RNGTT: variants seen among roughly 807,000 people sequenced by gnomAD.
The protein encoded by RNGTT is mRNA-capping enzyme.
In RNGTT, 33 loss-of-function variants were observed where a neutral mutation model predicts 79.3. The ratio of observed to expected loss-of-function variants is 0.42; its 90% confidence interval spans 0.32 to 0.56. The LOEUF is 0.56. RNGTT is among the 20% of genes least tolerant of loss of function. The pLI, the probability that RNGTT is intolerant of heterozygous loss-of-function variation, is 0.17. For missense variants in RNGTT, 497 were observed against 739.1 expected, an observed-to-expected ratio of 0.67 and a Z score of 3.80; for synonymous variants, 222 against 235.9, an observed-to-expected ratio of 0.94 and a Z score of 0.54.
chr6:88,725,147 T>C (rs1231939741), intron 13 of RNGTT, among the ~76,000 whole-genome samples: 2 of 152,200 alleles, frequency 1.3e-5, no homozygotes, highest in Non-Finnish European at 2.9e-5. Flanking sequence ...GGGGATTACA[T>C]TCCCTTCCCG....
In RNGTT at chr6:88,835,975, AACACACACACAC is replaced by A. The variant is rs72228554; in HGVS notation, c.1269+8370_1269+8381del. On this transcript the variant is annotated intron_variant, in intron 11 of 15. Transcript: ENST00000369485. ...ACAGCAAGACTCTGTCTCTATTAAA[AACACACACACAC>A]ACACACACACACACACACACACACA... 2.9e-3 allele frequency among the ~76,000 whole-genome samples: 328 copies of A among 113,764 alleles called. 7 individuals carry two copies. The South Asian group carries it at 0.036, about 12-fold the overall frequency. 74.6% of individuals were successfully genotyped at this position (113,764 alleles called of 152,430 possible).
chr6:88,728,727 G>A (rs970726060), intron 13 of RNGTT, among the ~76,000 whole-genome samples: 8 of 152,164 alleles, frequency 5.3e-5, no homozygotes, highest in East Asian at 1.9e-4. Context: ...TTAATCCCCC[G>A]CTGCCTGTAC....
chr6:88,876,283 C>T (rs1336132185), intron 8 of RNGTT, among the ~76,000 whole-genome samples: 15 of 152,204 alleles, frequency 9.9e-5, no homozygotes, highest in Admixed American at 9.2e-4. Flanking sequence ...AATCCCAACA[C>T]TTTGGGAGGC....
At chr6:88,781,671 A>G (rs1404656353) in intron 12 of RNGTT, among the ~76,000 whole-genome samples, 4 of 152,152 alleles carry the variant, frequency 2.6e-5, no homozygotes, top group African/African-American at 9.7e-5. Context: ...CCCAAATAAA[A>G]GTATGCCAGG....
chr6:88,635,544 G>A (rs1247982710), intron 14 of RNGTT, among the ~76,000 whole-genome samples: 1 of 151,976 alleles, frequency 6.6e-6, no homozygotes, highest in African/African-American at 2.4e-5. Flanking sequence ...TTATTGTCCT[G>A]CAGTCTCTCC....
intron 12 of RNGTT, among the ~76,000 whole-genome samples, chr6:88,771,949 G>T (rs773281574): frequency 1.1e-4 from 16 of 152,108 alleles, no homozygotes; most frequent in Non-Finnish European, 1.9e-4. Flanking sequence ...AGGTAGAGGT[G>T]TGAGGACAGC....
chr6:88,645,462 C>G (rs1773509112), intron 14 of RNGTT, among the ~76,000 whole-genome samples: 1 of 152,202 alleles, frequency 6.6e-6, no homozygotes, highest in Non-Finnish European at 1.5e-5. Flanking sequence ...CCATCCCCAT[C>G]AAGCTACCAA....
chr6:88,644,281 A>G (rs903289190), intron 14 of RNGTT, among the ~76,000 whole-genome samples: 5 of 152,010 alleles, frequency 3.3e-5, no homozygotes, highest in African/African-American at 9.7e-5. Context: ...CGACACATAC[A>G]CTCTCCCAAG....
chr6:88,963,604 G>C lies in RNGTT; in HGVS notation c.-195C>G. 2.0e-6 allele frequency: 1 copy of C among 509,230 alleles called. No homozygotes were observed. The highest frequency in any genetic ancestry group is 2.9e-5 in the South Asian group (1 of 34,558). The allele number at this position is 509,230 out of a possible 1,614,324, so 31.5% of individuals were successfully genotyped here. A position where few individuals can be genotyped will look rare whatever the true frequency, so the allele number is the denominator to read the frequency against. ...TTCAGGATCAACTCCACAGCTCCAGGAGAACCCACAATGCACCGCAACTTC... is the reference window on the plus strand; with the variant it reads ...TTCAGGATCAACTCCACAGCTCCAGCAGAACCCACAATGCACCGCAACTTC... On this transcript the variant is annotated 5_prime_UTR_variant, in exon 1 of 16. Coordinates refer to ENST00000369485, the MANE Select transcript of RNGTT (RefSeq NM_003800.5).
At chr6:88,906,245 G>T (rs1783650254) in intron 5 of RNGTT, 120 bp downstream of exon 5, 10 of 636,848 alleles carry the variant, frequency 1.6e-5, no homozygotes, top group Non-Finnish European at 2.5e-5. Context: ...ATGAAAAGCA[G>T]TTCAAATTAC....
At chr6:88,619,608 C>G (rs982986218) in intron 14 of RNGTT, among the ~76,000 whole-genome samples, 12 of 152,062 alleles carry the variant, frequency 7.9e-5, no homozygotes, top group African/African-American at 2.9e-4. Context: ...GAAAGAAGAA[C>G]GGGGGTGTGG....
At chr6:88,757,954 A>G (rs904959107) in intron 13 of RNGTT, among the ~76,000 whole-genome samples, 6 of 152,230 alleles carry the variant, frequency 3.9e-5, no homozygotes, top group African/African-American at 1.4e-4. Flanking sequence ...TTCATCTGTC[A>G]TATAAGCATT....
intron 1 of RNGTT, among the ~76,000 whole-genome samples, chr6:88,952,272 C>T (rs1335432567): frequency 6.6e-6 from 1 of 152,172 alleles, no homozygotes; most frequent in African/African-American, 2.4e-5. Flanking sequence ...CAAGCCCCAC[C>T]CAAGGAGAGT....
At chr6:88,897,605 T>C (rs909031517) in intron 6 of RNGTT, among the ~76,000 whole-genome samples, 7 of 152,182 alleles carry the variant, frequency 4.6e-5, no homozygotes, top group African/African-American at 1.7e-4. Flanking sequence ...TTTTTTATCA[T>C]AACCAAGCCA....
chr6:88,796,163 GATA>G (rs1236337798), intron 12 of RNGTT, among the ~76,000 whole-genome samples: 4 of 152,038 alleles, frequency 2.6e-5, no homozygotes, highest in Non-Finnish European at 1.5e-5. Context: ...ATGTTGAAAT[GATA>G]ATACTTTTGA....
Position 88,633,425 on chromosome 6 carries a change from C to T in RNGTT, c.1507-19030G>A, listed in dbSNP as rs192520372. ...GCATTGCATCCTCCCCTCTGGATAG[C>T]CAGTTCTTCCACCAGGATCACTTTC... On this transcript the variant is annotated intron_variant, in intron 14 of 15. Coordinates refer to ENST00000369485, the MANE Select transcript of RNGTT (RefSeq NM_003800.5). Among the ~76,000 whole-genome samples the T allele has an allele frequency of 1.9e-3, 290 of 152,274 alleles. 4 individuals are homozygous for T. Among genetic ancestry groups the T allele is most frequent in the African/African-American group, 6.8e-3 (284 of 41,548 alleles).
At chr6:88,808,383 ATC>A (rs1780028470) in intron 11 of RNGTT, among the ~76,000 whole-genome samples, 1 of 152,204 alleles carries the variant, frequency 6.6e-6, no homozygotes, top group African/African-American at 2.4e-5. Flanking sequence ...AAAGATATAT[ATC>A]TAATAGGCCC....
intron 14 of RNGTT, among the ~76,000 whole-genome samples, chr6:88,645,221 G>T (rs1031519644): frequency 6.6e-6 from 1 of 152,128 alleles, no homozygotes; most frequent in African/African-American, 2.4e-5. Context: ...CAGACAAACA[G>T]AGAGCCAAAT....
chr6:88,751,756 C>T (rs1039001187), intron 13 of RNGTT, among the ~76,000 whole-genome samples: 4 of 151,996 alleles, frequency 2.6e-5, no homozygotes, highest in East Asian at 1.9e-4. Flanking sequence ...AAAAAATCTA[C>T]AGCTTAAATT....
Sources: allele counts gnomAD v4.1 joint callset (sites outside exome capture counted in the v4.1 genomes callset), GRCh38; gene constraint gnomAD v4.1.1; transcripts MANE v1.5; gene names NCBI Gene and HGNC (gene_info 2026-07-23, HGNC 2026-07-21).